Variants in YIF1A observed in about 807,000 individuals in gnomAD.
YIF1A encodes the protein Yip1 interacting factor homolog A, membrane trafficking protein, also known as protein YIF1A.
In YIF1A, 28 loss-of-function variants were observed where a neutral mutation model predicts 32.6. The ratio of observed to expected loss-of-function variants is 0.86; its 90% CI spans 0.64 to 1.18. The LOEUF (loss-of-function observed/expected upper bound fraction) is 1.18. Ranked by LOEUF, YIF1A falls within the 50% of genes most tolerant of loss-of-function variation. The pLI, the probability that YIF1A is intolerant of heterozygous loss-of-function variation, is 0.00. For synonymous variants in YIF1A, 175 were observed against 162.2 expected, an observed-to-expected ratio of 1.08 and a Z score of -0.60; for missense variants, 373 against 390.8, an observed-to-expected ratio of 0.95 and a Z score of 0.38.
At chr11:66,287,533 C>T (rs1195355724) in intron 4 of YIF1A, 65 bp downstream of exon 4, 1 of 1,514,990 alleles carries the variant, frequency 6.6e-7, no homozygotes, top group South Asian at 1.2e-5. Flanking sequence ...CCCATTCATC[C>T]CTCAAGGCAC....
At position 66,289,098 on chromosome 11, in the gene YIF1A, A is replaced by G; in HGVS notation, c.-113T>C. On this transcript the variant is annotated 5_prime_UTR_variant, in exon 1 of 8. Coordinates refer to ENST00000376901, the MANE Select transcript of YIF1A (RefSeq NM_020470.3). ...CCGACCGAGGCCACCCGGCCGCGCG[A>G]CACGTCCCCCACCCCGCCGGTCTCG... 1 of 1,392,466 alleles carries G rather than the reference A, an allele frequency of 7.2e-7. No individual in the cohort carries two copies. Among genetic ancestry groups the G allele is most frequent in the Non-Finnish European group, 9.4e-7 (1 of 1,064,688 alleles). The allele number at this position is 1,392,466 out of a possible 1,614,324, so 86.3% of individuals were successfully genotyped here.
chr11:66,287,793 C>A lies in YIF1A; in HGVS notation c.348+19G>T, dbSNP rs553531122. 4 of 1,610,388 alleles carry A rather than the reference C, an allele frequency of 2.5e-6. No individual in the cohort carries two copies. The East Asian group carries it at 6.7e-5, about 27-fold the overall frequency. ...GCAGAATGAGGAAGGCCCACCAGCT[C>A]CCTTGGTAGGAAGCTCACCTGGTGT... On this transcript the variant is annotated intron_variant, in intron 3 of 7. Coordinates refer to ENST00000376901, the MANE Select transcript of YIF1A (RefSeq NM_020470.3).
intron 3 of YIF1A, 67 bp from the exon 4 acceptor site, chr11:66,287,743 G>A (rs961805679): frequency 1.4e-5 from 22 of 1,601,262 alleles, no homozygotes; most frequent in East Asian, 2.2e-5. Context: ...AGAGAAGGGG[G>A]TTGAGGTCTG....
At chr11:66,285,021 T>C in intron 6 of YIF1A, 55 bp from the exon 7 acceptor site, 1 of 1,579,014 alleles carries the variant, frequency 6.3e-7, no homozygotes, top group Admixed American at 1.7e-5. Flanking sequence ...GGCCTGAGAT[T>C]GGCCCTACCC....
rs1186235319 is a variant in YIF1A, at chr11:66,287,354, G to T, written c.427+244C>A. ...GAGCTCCAGGCTGGGGAGGGATACA[G>T]TCCAAATCAAGAAACAGGAAGGTCT... On this transcript the variant is annotated intron_variant, in intron 4 of 7. Transcript: ENST00000376901. The T allele has an allele frequency of 1.1e-5, 6 of 550,660 alleles. No individual in the cohort carries two copies. The Admixed American group carries it at 1.5e-4, about 14-fold the overall frequency. The allele number at this position is 550,660 out of a possible 1,614,324, so 34.1% of individuals were successfully genotyped here.
At chr11:66,288,037 C>T in intron 2 of YIF1A, 44 bp downstream of exon 2, 1 of 1,610,196 alleles carries the variant, frequency 6.2e-7, no homozygotes, top group Non-Finnish European at 8.5e-7. Flanking sequence ...TGCCCCAGCC[C>T]TAGCCAAAAA....
At chr11:66,286,156 G>T (rs1313810834) in intron 4 of YIF1A, among the ~76,000 whole-genome samples, 2 of 152,264 alleles carry the variant, frequency 1.3e-5, no homozygotes, top group African/African-American at 4.8e-5. Context: ...TCATGGAGAT[G>T]ACCTCACCGC....
rs1278658831 is a variant in YIF1A at position 66,288,129 on chromosome 11, G to A, written c.195C>T (p.Ala65=). The A allele has an allele frequency of 6.2e-7, 1 of 1,614,118 alleles. No homozygotes were observed. The change falls in exon 2 of 8, where the codon GCC becomes GCT. Residue 65 remains alanine (A), a synonymous_variant. Coordinates refer to ENST00000376901, the MANE Select transcript of YIF1A (RefSeq NM_020470.3). ...LGDPMANVAM[A]YGSSIASHGK... ...CATGGGATGCGATGGAGCTGCCATA[G>A]GCCATAGCCACATTGGCCATTGGGT...
At position 66,288,990 on chromosome 11, in the gene YIF1A, G is replaced by A; in HGVS notation, c.-5C>T. On this transcript the variant is annotated 5_prime_UTR_variant, in exon 1 of 8. Transcript: ENST00000376901. ...GTAGCCCGAGTGATAAGCCATGGCC[G>A]CGACGCTCGCTGTCCCCGAGGGCCC... 1 of 1,577,978 alleles carries A rather than the reference G, an allele frequency of 6.3e-7. No individual in the cohort carries two copies. The highest frequency in any genetic ancestry group is 8.5e-7 in the Non-Finnish European group (1 of 1,170,278).
rs1302444113 is a variant in YIF1A at position 66,288,240 on chromosome 11, G to C, written c.84C>G (p.Asp28Glu). ...GCTGGCTGGAATAACCACCGCTTGT[G>C]TCATCGAAGAGGGGAGGGGGATCCG... is the stretch of plus-strand genomic sequence containing the variant. ...AAPDPPPLFD[D>E]TSGGYSSQPG... The change falls in exon 2 of 8, where the codon GAC (aspartate) becomes GAG (glutamate). Residue 28 changes from aspartate (D) to glutamate (E), a missense_variant. Coordinates refer to ENST00000376901, the MANE Select transcript of YIF1A (RefSeq NM_020470.3). 21 of 1,613,998 alleles carry C rather than the reference G, an allele frequency of 1.3e-5. No individual in the cohort carries two copies. In the South Asian group the frequency reaches 2.2e-4, roughly 17 times the overall value.
In YIF1A at chr11:66,289,078, C is replaced by T; in HGVS notation, c.-93G>A. 6.9e-7 allele frequency: 1 copy of T among 1,446,120 alleles called. No individual in the cohort carries two copies. The highest frequency in any genetic ancestry group is 1.3e-5 in the South Asian group (1 of 74,612). 89.6% of individuals were successfully genotyped at this position (1,446,120 alleles called of 1,614,324 possible). A position where few individuals can be genotyped will look rare whatever the true frequency, so the allele number is the denominator to read the frequency against. ...GCTGCTCCGCGCCCAGGGTACCGAC[C>T]GAGGCCACCCGGCCGCGCGACACGT... On this transcript the variant is annotated 5_prime_UTR_variant, in exon 1 of 8. Transcript: ENST00000376901.
At position 66,284,691 on chromosome 11, in the gene YIF1A, A is replaced by C. The variant is rs1439284436; in HGVS notation, c.828T>G (p.Ala276=). ...ATATGATGAGGGGCTGGAAGGCTGC[A>C]GCTCCCAGAGTCAGGTAGAGCTGGA... The part of the protein sequence containing the change: ...QRLQLYLTLG[A]AAFQPLIIYW... The change falls in exon 8 of 8, where the codon GCT becomes GCG. Residue 276 remains alanine, a synonymous_variant. Transcript: ENST00000376901. The C allele has an allele frequency of 6.2e-7, 1 of 1,612,768 alleles. No individual in the cohort carries two copies. The highest frequency in any genetic ancestry group is 8.5e-7 in the Non-Finnish European group (1 of 1,179,924).
chr11:66,287,086 A>G, intron 4 of YIF1A: 1 of 157,994 alleles, frequency 6.3e-6, no homozygotes, highest in East Asian at 1.8e-4. Flanking sequence ...GGGGGTCAGG[A>G]AAGGCTTCTT....
chr11:66,285,295 C>G lies in YIF1A; in HGVS notation c.641+86G>C, dbSNP rs144886879. The G allele has an allele frequency of 4.1e-5, 64 of 1,547,260 alleles. No individual in the cohort carries two copies. The East Asian group carries it at 1.2e-3, about 30-fold the overall frequency. ...AGCAGTGCTAGAGGTCACTAGGGGCCGAGACATGTCCAGGGTCACAGTTCG... is the reference window on the plus strand; with the variant it reads ...AGCAGTGCTAGAGGTCACTAGGGGCGGAGACATGTCCAGGGTCACAGTTCG... On this transcript the variant is annotated intron_variant, in intron 6 of 7. Transcript: ENST00000376901.
In YIF1A at chr11:66,288,062, C is replaced by T. The variant is rs751958448; in HGVS notation, c.243+19G>A. On this transcript the variant is annotated intron_variant, in intron 2 of 7. Coordinates refer to ENST00000376901, the MANE Select transcript of YIF1A (RefSeq NM_020470.3). ...CTAGCCAAAAATTCTGCCACCCGTG[C>T]CCCGGGGGCAGGCCACACCTCCTTG... 1.9e-6 allele frequency: 3 copies of T among 1,611,528 alleles called. No individual in the cohort carries two copies. Among genetic ancestry groups the T allele is most frequent in the Non-Finnish European group, 2.5e-6 (3 of 1,179,078 alleles).
At position 66,284,588 on chromosome 11, in the gene YIF1A, A is replaced by G. The variant is rs201633399; in HGVS notation, c.*49T>C. On this transcript the variant is annotated 3_prime_UTR_variant, in exon 8 of 8. Transcript: ENST00000376901. ...ACAAGGGTCAGACAAAGTCAAGGAA[A>G]TCAAATCTTCAATGAATGAAAAACT... 7.3e-5 allele frequency: 117 copies of G among 1,600,602 alleles called. No homozygotes were observed. In the African/African-American group the frequency reaches 1.4e-3, roughly 19 times the overall value.
At chr11:66,285,314 C>T in intron 6 of YIF1A, 67 bp downstream of exon 6, 1 of 1,568,450 alleles carries the variant, frequency 6.4e-7, no homozygotes, top group South Asian at 1.2e-5. Flanking sequence ...TCCAGGGTCA[C>T]AGTTCGAGGC....
At chr11:66,285,989 C>T (rs1481019221) in intron 4 of YIF1A, among the ~76,000 whole-genome samples, 2 of 152,260 alleles carry the variant, frequency 1.3e-5, no homozygotes, top group Non-Finnish European at 2.9e-5. Flanking sequence ...AGCCACCTTT[C>T]CTGTCCCTGT....
chr11:66,287,404 A>G, intron 4 of YIF1A, 194 bp downstream of exon 4: 3 of 637,532 alleles, frequency 4.7e-6, no homozygotes, highest in South Asian at 3.7e-5. Context: ...GGGGACACTG[A>G]AGGCGCATTC....
Sources: allele counts gnomAD v4.1 joint callset (sites outside exome capture counted in the v4.1 genomes callset), GRCh38; gene constraint gnomAD v4.1.1; transcripts MANE v1.5; gene names NCBI Gene and HGNC (gene_info 2026-07-23, HGNC 2026-07-21).